The following RGS7 variants were observed in gnomAD, a reference collection of about 807,000 sequenced individuals.
RGS7 encodes the protein regulator of G-protein signaling 7.
RGS7 carries 27 observed loss-of-function variants against 81.1 expected under a neutral mutation model. The observed-to-expected ratio is 0.33, with a 90% CI of 0.25 to 0.46. The LOEUF is 0.46. Among genes scored for constraint, RGS7 ranks in the 20% least tolerant of loss-of-function variants. The pLI, the probability that RGS7 is intolerant of heterozygous loss-of-function variation, is 1.00. For missense variants in RGS7, 396 were observed against 607.4 expected (o/e 0.65, Z 3.66); for synonymous variants, 208 against 207.7 (o/e 1.00, Z -0.01).
intron 2 of RGS7, among the ~76,000 whole-genome samples, chr1:241,340,608 T>TA (rs1433870100): frequency 9.2e-5 from 14 of 152,120 alleles, no homozygotes; most frequent in African/African-American, 3.1e-4. Context: ...TTTTCTTAAT[T>TA]ACGCTTCATC....
chr1:241,317,674 C>T (rs1051864420), intron 2 of RGS7, among the ~76,000 whole-genome samples: 1 of 152,154 alleles, frequency 6.6e-6, no homozygotes, highest in Non-Finnish European at 1.5e-5. Flanking sequence ...GTTATCTGCA[C>T]ATCAAAAGTA....
At chr1:241,243,464 G>C (rs1041570904) in intron 2 of RGS7, among the ~76,000 whole-genome samples, 1 of 152,156 alleles carries the variant, frequency 6.6e-6, no homozygotes, top group African/African-American at 2.4e-5. Flanking sequence ...AAGAATGAAA[G>C]GATCACATGA....
At position 241,103,203 on chromosome 1, in the gene RGS7, G is replaced by A. The variant is rs1374310534; in HGVS notation, c.79-4441C>T. Among the ~76,000 whole-genome samples the A allele has an allele frequency of 3.3e-5, 5 of 151,876 alleles. No individual in the cohort carries two copies. In the South Asian group the frequency reaches 6.2e-4, roughly 19 times the overall value. ...TGTATATATATATACTTACACACAC[G>A]CATATATATGCATGTATACATGTGT... On this transcript the variant is annotated intron_variant, in intron 2 of 18. Coordinates refer to ENST00000440928, the MANE Select transcript of RGS7 (RefSeq NM_001364886.1).
intron 10 of RGS7, among the ~76,000 whole-genome samples, chr1:240,818,814 C>G (rs540966819): frequency 1.6e-4 from 25 of 152,104 alleles, no homozygotes; most frequent in African/African-American, 5.1e-4. Context: ...TCTTGGTCAA[C>G]GGGTACAAAG....
intron 2 of RGS7, among the ~76,000 whole-genome samples, chr1:241,245,830 C>T (rs938396460): frequency 6.0e-5 from 9 of 150,116 alleles, no homozygotes; most frequent in South Asian, 2.1e-4. Flanking sequence ...ACAGGCAGGA[C>T]GCGGTGGCTC....
Position 241,038,256 on chromosome 1 carries a change from G to A in RGS7, c.176-55127C>T, listed in dbSNP as rs984983479. On this transcript the variant is annotated intron_variant, in intron 3 of 18. Transcript: ENST00000440928. Reference sequence around the variant, plus strand: ...TTCTCTAGCTGAGTTAGAAGTGATTGGAGATCAAGCCCCTTGTAGGGTTAG... The same window carrying A: ...TTCTCTAGCTGAGTTAGAAGTGATTAGAGATCAAGCCCCTTGTAGGGTTAG... Among the ~76,000 whole-genome samples the A allele has an allele frequency of 2.0e-5, 3 of 152,176 alleles. No homozygotes were observed. In the South Asian group the frequency reaches 6.2e-4, roughly 32 times the overall value.
chr1:241,191,995 C>T (rs1174204299), intron 2 of RGS7, among the ~76,000 whole-genome samples: 3 of 152,216 alleles, frequency 2.0e-5, no homozygotes. Flanking sequence ...AACAGAGCCT[C>T]ACAAAGGTCA....
intron 4 of RGS7, among the ~76,000 whole-genome samples, chr1:240,946,545 T>C (rs1221308183): frequency 6.6e-6 from 1 of 152,052 alleles, no homozygotes; most frequent in East Asian, 1.9e-4. Flanking sequence ...AATTTGAGGT[T>C]GCCATTAGCC....
At chr1:241,282,461 C>T (rs976293118) in intron 2 of RGS7, among the ~76,000 whole-genome samples, 1 of 152,124 alleles carries the variant, frequency 6.6e-6, no homozygotes, top group Non-Finnish European at 1.5e-5. Context: ...TTCGTTAGTT[C>T]TAAGAGTTTT....
At chr1:240,919,834 A>G in intron 6 of RGS7, 1 of 774,828 alleles carries the variant, frequency 1.3e-6, no homozygotes, top group Non-Finnish European at 2.3e-6. Context: ...TTTGTCACAT[A>G]GGCCACTGTG....
rs61833762 is a variant in RGS7 at position 241,131,414 on chromosome 1, G to A, written c.79-32652C>T. On this transcript the variant is annotated intron_variant, in intron 2 of 18. Coordinates refer to ENST00000440928, the MANE Select transcript of RGS7 (RefSeq NM_001364886.1). The stretch of plus-strand genomic sequence containing the variant: ...CAGACAGCTGGACCCAACTTCCAGA[G>A]TTGCCAAGTCAGTGGGACTATGTAG... Among the ~76,000 whole-genome samples, 1,354 of 152,274 alleles carry A rather than the reference G, an allele frequency of 8.9e-3. 13 individuals carry two copies. Among genetic ancestry groups the A allele is most frequent in the Non-Finnish European group, 0.015 (1,006 of 68,028 alleles).
chr1:241,175,992 C>A (rs1250940005), intron 2 of RGS7, among the ~76,000 whole-genome samples: 1 of 152,128 alleles, frequency 6.6e-6, no homozygotes, highest in Non-Finnish European at 1.5e-5. Context: ...TAGGTGCTAT[C>A]AGTATAAGGC....
chr1:241,108,411 A>G (rs2065280182), intron 2 of RGS7, among the ~76,000 whole-genome samples: 1 of 152,214 alleles, frequency 6.6e-6, no homozygotes, highest in Admixed American at 6.5e-5. Flanking sequence ...TATGAAAGAC[A>G]GAAAGACGGA....
At chr1:240,838,891 T>C (rs1695144552) in intron 9 of RGS7, among the ~76,000 whole-genome samples, 1 of 152,050 alleles carries the variant, frequency 6.6e-6, no homozygotes, top group African/African-American at 2.4e-5. Context: ...CTCAGCCTCC[T>C]AATTAGCTTT....
At position 241,357,112 on chromosome 1, in the gene RGS7, A is replaced by T. The variant is rs1317481049; in HGVS notation, c.-264T>A. The T allele has an allele frequency of 6.6e-6, 1 of 151,104 alleles. No homozygotes were observed. Among genetic ancestry groups the T allele is most frequent in the Non-Finnish European group, 1.5e-5 (1 of 67,952 alleles). The allele number at this position is 151,104 out of a possible 1,614,324, so 9.4% of individuals were successfully genotyped here. ...TGCACAGGCGGCTCCGGCAGCCGCCACTCGCGCCCGCTCCCCTGGGCCGCC... is the reference window on the plus strand; with the variant it reads ...TGCACAGGCGGCTCCGGCAGCCGCCTCTCGCGCCCGCTCCCCTGGGCCGCC... On this transcript the variant is annotated 5_prime_UTR_variant, in exon 1 of 19. Coordinates refer to ENST00000440928, the MANE Select transcript of RGS7 (RefSeq NM_001364886.1).
At chr1:241,312,433 T>C (rs2080598131) in intron 2 of RGS7, among the ~76,000 whole-genome samples, 1 of 152,178 alleles carries the variant, frequency 6.6e-6, no homozygotes, top group East Asian at 1.9e-4. Flanking sequence ...CAACAACAGG[T>C]GCTCACTCTG....
chr1:241,284,745 G>T (rs1042490160), intron 2 of RGS7, among the ~76,000 whole-genome samples: 4 of 152,222 alleles, frequency 2.6e-5, no homozygotes, highest in African/African-American at 9.7e-5. Context: ...GAAGGTAGAA[G>T]TCTAGCCTCC....
chr1:240,961,136 T>A (rs1681357565), intron 4 of RGS7, among the ~76,000 whole-genome samples: 2 of 151,914 alleles, frequency 1.3e-5, no homozygotes, highest in African/African-American at 4.8e-5. Context: ...ATCTGTAAAG[T>A]AATGTATATA....
chr1:240,803,136 C>T, intron 15 of RGS7, 143 bp from the exon 16 acceptor site: 1 of 671,946 alleles, frequency 1.5e-6, no homozygotes, highest in Non-Finnish European at 2.7e-6. Flanking sequence ...CTTCTATTTA[C>T]AGGATATTTA....
Sources: gnomAD v4.1 joint callset for allele counts (sites outside exome capture counted in the v4.1 genomes callset) on GRCh38, gnomAD v4.1.1 for gene constraint, MANE v1.5 for transcripts, NCBI Gene and HGNC (gene_info 2026-07-23, HGNC 2026-07-21) for gene names.